Variants in THSD4 observed in about 807,000 individuals in gnomAD.
THSD4 encodes the protein thrombospondin type 1 domain containing 4, also known as thrombospondin type-1 domain-containing protein 4.
A neutral mutation model predicts 119.0 loss-of-function variants in THSD4; 69 were observed. The ratio of observed to expected loss-of-function variants is 0.58; its 90% CI spans 0.48 to 0.71. The LOEUF (loss-of-function observed/expected upper bound fraction) is 0.71. Ranked by LOEUF, THSD4 falls within the 30% of genes least tolerant of loss-of-function variation. The pLI, the probability that THSD4 is intolerant of heterozygous loss-of-function variation, is 0.00. For synonymous variants in THSD4, 524 were observed against 540.4 expected (o/e 0.97, Z 0.42); for missense variants, 1,393 against 1,391.1 (o/e 1.00, Z -0.02).
intron 15 of THSD4, among the ~76,000 whole-genome samples, chr15:71,762,038 C>T (rs2053634912): frequency 6.6e-6 from 1 of 152,172 alleles, no homozygotes; most frequent in Non-Finnish European, 1.5e-5. Flanking sequence ...TAGTTTCCTT[C>T]TTCAATTTGA....
At chr15:71,356,397 T>C (rs1020130163) in intron 6 of THSD4, among the ~76,000 whole-genome samples, 7 of 152,152 alleles carry the variant, frequency 4.6e-5, no homozygotes, top group Admixed American at 1.3e-4. Flanking sequence ...CAGGAGGGCA[T>C]TTTCTCTTGT....
chr15:71,168,037 G>A (rs184619143), intron 3 of THSD4, among the ~76,000 whole-genome samples: 6 of 152,268 alleles, frequency 3.9e-5, no homozygotes, highest in Non-Finnish European at 5.9e-5. Context: ...CCCAGAAGTC[G>A]TCCTCATGTT....
At chr15:71,755,706 C>CAAAA (rs10555546) in intron 14 of THSD4, among the ~76,000 whole-genome samples, 99 of 50,292 alleles carry the variant, frequency 2.0e-3, no homozygotes, top group East Asian at 3.9e-3. Flanking sequence ...TCAGCAAAGA[C>CAAAA]AAAAAAAAAA....
intron 8 of THSD4, among the ~76,000 whole-genome samples, chr15:71,664,585 A>G (rs1482833617): frequency 6.6e-6 from 1 of 152,014 alleles, no homozygotes; most frequent in Admixed American, 6.6e-5. Flanking sequence ...GGTTTTTTGT[A>G]CAGATTGTGT....
At chr15:71,189,739 C>G (rs2043651160) in intron 3 of THSD4, among the ~76,000 whole-genome samples, 1 of 151,932 alleles carries the variant, frequency 6.6e-6, no homozygotes, top group Admixed American at 6.5e-5. Context: ...CCTGGTGGAG[C>G]TTAAGAATCT....
intron 6 of THSD4, among the ~76,000 whole-genome samples, chr15:71,365,148 T>TGTGTGTGTGTGC (rs1477061267): frequency 2.0e-5 from 3 of 150,834 alleles, no homozygotes; most frequent in African/African-American, 7.3e-5. Flanking sequence ...TGTGTGTGTG[T>TGTGTGTGTGTGC]GTGTGTGTGT....
At chr15:71,570,192 A>G (rs746158942) in intron 7 of THSD4, among the ~76,000 whole-genome samples, 5 of 152,226 alleles carry the variant, frequency 3.3e-5, no homozygotes, top group Non-Finnish European at 7.3e-5. Context: ...TAATTATGAC[A>G]TAAGAACACC....
chr15:71,739,615 A>G (rs1017804002), intron 11 of THSD4, among the ~76,000 whole-genome samples: 8 of 152,288 alleles, frequency 5.3e-5, no homozygotes, highest in African/African-American at 9.6e-5. Flanking sequence ...ACACCTATGA[A>G]CTGTGTAGTT....
intron 10 of THSD4, chr15:71,733,044 G>A (rs907730452): frequency 6.6e-6 from 1 of 152,234 alleles, no homozygotes; most frequent in African/African-American, 2.4e-5. Context: ...GAGAAACCAA[G>A]TTTGGGTAAG....
intron 6 of THSD4, among the ~76,000 whole-genome samples, chr15:71,273,018 C>T (rs2044550792): frequency 6.6e-6 from 1 of 152,156 alleles, no homozygotes; most frequent in African/African-American, 2.4e-5. Context: ...ATAGAGTTAC[C>T]ATCATTCTGC....
At chr15:71,625,585 G>A (rs2050493418) in intron 7 of THSD4, among the ~76,000 whole-genome samples, 1 of 152,196 alleles carries the variant, frequency 6.6e-6, no homozygotes, top group Non-Finnish European at 1.5e-5. Flanking sequence ...CTTGGTTACT[G>A]TCATTCCCAT....
At position 71,724,287 on chromosome 15, in the gene THSD4, A is replaced by ATATATATTTT; in HGVS notation, c.1358-4261_1358-4260insATATATTTTT. ...ATGGGATATATATATATATATATAT[A>ATATATATTTT]TTTTTTTTTTCCCCCCAAGATGGAA... On this transcript the variant is annotated intron_variant, in intron 8 of 17. Coordinates refer to ENST00000261862, the MANE Select transcript of THSD4 (RefSeq NM_024817.3). Among the ~76,000 whole-genome samples, 119 of 37,286 alleles carry ATATATATTTT rather than the reference A, an allele frequency of 3.2e-3. 4 individuals are homozygous for ATATATATTTT. The highest frequency in any genetic ancestry group is 0.016 in the East Asian group (9 of 570). The allele number at this position is 37,286 out of a possible 152,430, so 24.5% of individuals were successfully genotyped here. A position where few individuals can be genotyped will look rare whatever the true frequency, so the allele number is the denominator to read the frequency against.
At chr15:71,174,330 G>A (rs988952483) in intron 3 of THSD4, among the ~76,000 whole-genome samples, 5 of 152,042 alleles carry the variant, frequency 3.3e-5, no homozygotes, top group Admixed American at 6.5e-5. Flanking sequence ...CCTGGGAAGC[G>A]CAAGGGGTCA....
upstream of THSD4, chr15:71,110,950 C>G (rs1226530637): frequency 1.7e-6 from 1 of 602,594 alleles, no homozygotes; most frequent in East Asian, 2.8e-5. Flanking sequence ...TAATCATCGC[C>G]GGAAGAAGAA....
chr15:71,697,565 G>A (rs2052190398), intron 8 of THSD4, among the ~76,000 whole-genome samples: 1 of 152,220 alleles, frequency 6.6e-6, no homozygotes, highest in Admixed American at 6.5e-5. Flanking sequence ...GAAAGAGTAT[G>A]CACTGGGATC....
intron 3 of THSD4, among the ~76,000 whole-genome samples, chr15:71,206,025 A>G (rs975652538): frequency 6.6e-6 from 1 of 152,048 alleles, no homozygotes; most frequent in Non-Finnish European, 1.5e-5. Flanking sequence ...TAAACCTCCC[A>G]TCTGTTCTTC....
intron 7 of THSD4, among the ~76,000 whole-genome samples, chr15:71,437,749 C>T (rs1020546567): frequency 6.6e-6 from 1 of 152,160 alleles, no homozygotes; most frequent in South Asian, 2.1e-4. Context: ...GCCAAGAATT[C>T]ATATGTATTT....
chr15:71,695,319 C>T (rs1444063872), intron 8 of THSD4, among the ~76,000 whole-genome samples: 2 of 151,852 alleles, frequency 1.3e-5, no homozygotes, highest in Admixed American at 6.6e-5. Context: ...CCCTTCTATC[C>T]TTTTATTGTA....
intron 6 of THSD4, among the ~76,000 whole-genome samples, chr15:71,356,578 G>A (rs2045814176): frequency 6.6e-6 from 1 of 152,156 alleles, no homozygotes; most frequent in African/African-American, 2.4e-5. Context: ...AGGAAGGAAA[G>A]GGAGAAAAGG....
Sources: gnomAD v4.1 joint callset for allele counts (sites outside exome capture counted in the v4.1 genomes callset) on GRCh38, gnomAD v4.1.1 for gene constraint, MANE v1.5 for transcripts, NCBI Gene and HGNC (gene_info 2026-07-23, HGNC 2026-07-21) for gene names.